IL1RAPL1: variants seen among roughly 807,000 people sequenced by gnomAD.
The protein encoded by IL1RAPL1 is interleukin-1 receptor accessory protein-like 1.
IL1RAPL1 carries 3 observed loss-of-function variants against 48.4 expected under a neutral mutation model. The ratio of observed to expected loss-of-function variants is 0.06; its 90% CI spans 0.03 to 0.16. The LOEUF (loss-of-function observed/expected upper bound fraction) is 0.16, where lower values mean the gene tolerates loss of function less well. Among genes scored for constraint, IL1RAPL1 ranks in the 10% least tolerant of loss-of-function variants. The pLI, the probability that IL1RAPL1 is intolerant of heterozygous loss-of-function variation, is 1.00. For synonymous variants in IL1RAPL1, 185 were observed against 187.7 expected (o/e 0.99, Z 0.12); for missense variants, 349 against 530.6 (o/e 0.66, Z 3.36).
chrX:28,930,364 T>C (rs993325316), intron 2 of IL1RAPL1, among the ~76,000 whole-genome samples: 5 of 112,034 alleles, frequency 4.5e-5, no homozygotes, highest in Non-Finnish European at 9.4e-5. Flanking sequence ...CTATTGAGTC[T>C]GAAGTAAAGT....
At position 28,894,554 on chromosome X, in the gene IL1RAPL1, A is replaced by G. The variant is rs184891917; in HGVS notation, c.82+105129A>G. Among the ~76,000 whole-genome samples the G allele has an allele frequency of 9.6e-3, 1,068 of 111,560 alleles. 12 individuals carry two copies. Among genetic ancestry groups the G allele is most frequent in the African/African-American group, 0.033 (1,002 of 30,630 alleles). On this transcript the variant is annotated intron_variant, in intron 2 of 10. Transcript: ENST00000378993. ...TTGTGGGAGACTCAACAAAGAGTGA[A>G]TATAGCTGAAGGAGCCGGGGAGCAG...
intron 1 of IL1RAPL1, among the ~76,000 whole-genome samples, chrX:28,702,362 AT>A (rs1383475082): frequency 8.9e-6 from 1 of 112,088 alleles, no homozygotes; most frequent in African/African-American, 3.2e-5. Flanking sequence ...AATGAAAACA[AT>A]TGAAAAATAC....
intron 6 of IL1RAPL1, among the ~76,000 whole-genome samples, chrX:29,690,284 A>G (rs765306053): frequency 7.8e-4 from 88 of 112,116 alleles, no homozygotes; most frequent in Non-Finnish European, 1.4e-3. Flanking sequence ...ACAACTGGAA[A>G]TATGTACAGA....
At chrX:29,322,457 G>T (rs751343217) in intron 3 of IL1RAPL1, among the ~76,000 whole-genome samples, 10 of 110,478 alleles carry the variant, frequency 9.1e-5, no homozygotes, top group Non-Finnish European at 1.7e-4. Context: ...TAGAGATGAG[G>T]TTTCTCCATA....
At chrX:29,882,316 A>G (rs1292633038) in intron 6 of IL1RAPL1, among the ~76,000 whole-genome samples, 1 of 111,700 alleles carries the variant, frequency 9.0e-6, no homozygotes, top group East Asian at 2.8e-4. Flanking sequence ...ATAGTAGTTA[A>G]TAGTATAAGT....
chrX:28,793,187 A>G (rs1182163194), intron 2 of IL1RAPL1, among the ~76,000 whole-genome samples: 1 of 109,949 alleles, frequency 9.1e-6, no homozygotes, highest in African/African-American at 3.3e-5. Flanking sequence ...GAAATATTAT[A>G]GCAATTCAGT....
intron 2 of IL1RAPL1, among the ~76,000 whole-genome samples, chrX:28,806,959 A>T (rs73630092): frequency 0.023 from 2,506 of 111,138 alleles, 60 homozygotes; most frequent in African/African-American, 0.077. Flanking sequence ...ATGTTCTGAA[A>T]GAGACAATTT....
At chrX:29,115,750 C>A (rs1192090041) in intron 2 of IL1RAPL1, among the ~76,000 whole-genome samples, 2 of 110,385 alleles carry the variant, frequency 1.8e-5, no homozygotes, top group African/African-American at 6.6e-5. Flanking sequence ...ATATTTATTA[C>A]AATTACTTTT....
intron 6 of IL1RAPL1, among the ~76,000 whole-genome samples, chrX:29,710,051 G>T (rs1019115337): frequency 9.0e-6 from 1 of 111,689 alleles, no homozygotes; most frequent in African/African-American, 3.2e-5. Flanking sequence ...GATTCTAATA[G>T]ATTTTGGTGG....
Position 29,631,026 on chromosome X carries a change from T to C in IL1RAPL1, c.704-37404T>C, listed in dbSNP as rs191062737. On this transcript the variant is annotated intron_variant, in intron 5 of 10. Coordinates refer to ENST00000378993, the MANE Select transcript of IL1RAPL1 (RefSeq NM_014271.4). Reference sequence around the variant, plus strand: ...TATGTTTTTTCAATATATTGAACATTTATTCAATATATTCCTGTTCTAAGA... The same window carrying C: ...TATGTTTTTTCAATATATTGAACATCTATTCAATATATTCCTGTTCTAAGA... Among the ~76,000 whole-genome samples the C allele has an allele frequency of 4.2e-3, 468 of 111,753 alleles. 3 individuals are homozygous for C. Among genetic ancestry groups the C allele is most frequent in the African/African-American group, 0.014 (440 of 30,774 alleles).
chrX:28,688,069 A>C (rs1162558561), intron 1 of IL1RAPL1, among the ~76,000 whole-genome samples: 1 of 97,171 alleles, frequency 1.0e-5, no homozygotes, highest in African/African-American at 3.9e-5. Context: ...GCGTCACTGC[A>C]GTCTAGCCTG....
intron 1 of IL1RAPL1, among the ~76,000 whole-genome samples, chrX:28,721,591 T>C (rs138862386): frequency 1.8e-5 from 2 of 108,863 alleles, no homozygotes; most frequent in Non-Finnish European, 3.8e-5. Flanking sequence ...AGAAGCTCTT[T>C]AGTTTAATTA....
At chrX:29,498,452 C>G (rs1361821430) in intron 5 of IL1RAPL1, among the ~76,000 whole-genome samples, 1 of 108,753 alleles carries the variant, frequency 9.2e-6, no homozygotes, top group Admixed American at 9.6e-5. Context: ...GCCTCTTAAT[C>G]TTTATTGATT....
At chrX:28,930,200 TAG>T (rs1385337893) in intron 2 of IL1RAPL1, among the ~76,000 whole-genome samples, 2 of 112,332 alleles carry the variant, frequency 1.8e-5, no homozygotes, top group Non-Finnish European at 3.8e-5. Flanking sequence ...CTAAATGTTA[TAG>T]AGATGGAGAA....
At chrX:29,071,463 C>T (rs1443852333) in intron 2 of IL1RAPL1, among the ~76,000 whole-genome samples, 1 of 112,072 alleles carries the variant, frequency 8.9e-6, no homozygotes, top group Non-Finnish European at 1.9e-5. Flanking sequence ...CCAGCTCTCA[C>T]AACTAAAATA....
At chrX:29,838,082 G>T (rs1431895019) in intron 6 of IL1RAPL1, among the ~76,000 whole-genome samples, 1 of 111,484 alleles carries the variant, frequency 9.0e-6, no homozygotes, top group African/African-American at 3.3e-5. Flanking sequence ...ATTTTCCAGG[G>T]AAGAAGCGTT....
intron 6 of IL1RAPL1, among the ~76,000 whole-genome samples, chrX:29,884,383 A>G (rs758564494): frequency 6.4e-5 from 7 of 110,058 alleles, no homozygotes; most frequent in Non-Finnish European, 1.3e-4. Flanking sequence ...AGTACACACC[A>G]TTTCTCCATG....
intron 5 of IL1RAPL1, among the ~76,000 whole-genome samples, chrX:29,449,780 C>CACACACACACAGAGAGAGAGAG (rs557765024): frequency 1.7e-5 from 1 of 58,277 alleles, no homozygotes; most frequent in Non-Finnish European, 3.1e-5. Context: ...CACACACACA[C>CACACACACACAGAGAGAGAGAG]AGAGAGAGAG....
At chrX:29,254,195 A>G (rs1265892125) in intron 2 of IL1RAPL1, among the ~76,000 whole-genome samples, 1 of 111,637 alleles carries the variant, frequency 9.0e-6, no homozygotes, top group Non-Finnish European at 1.9e-5. Context: ...GAATCTGAAC[A>G]AAGAAAGCTG....
Sources: gnomAD v4.1 joint callset for allele counts (sites outside exome capture counted in the v4.1 genomes callset) on GRCh38, gnomAD v4.1.1 for gene constraint, MANE v1.5 for transcripts, NCBI Gene and HGNC (gene_info 2026-07-23, HGNC 2026-07-21) for gene names.